CACNA1D: variants seen among roughly 807,000 people sequenced by gnomAD.
The protein encoded by CACNA1D is voltage-dependent L-type calcium channel subunit alpha-1D.
A neutral mutation model predicts 257.1 loss-of-function variants in CACNA1D; 55 were observed. The observed-to-expected ratio is 0.21, with a 90% confidence interval of 0.17 to 0.27. The LOEUF (loss-of-function observed/expected upper bound fraction) is 0.27. CACNA1D is among the 10% of genes least tolerant of loss of function. The probability of loss-of-function intolerance (pLI) is 1.00; values close to 1 mark genes in which losing one functional copy is unlikely to be tolerated. For missense variants in CACNA1D, 1,876 were observed against 2,784.0 expected, an observed-to-expected ratio of 0.67 and a Z score of 7.34; for synonymous variants, 980 against 1,014.9, an observed-to-expected ratio of 0.97 and a Z score of 0.65.
chr3:53,515,093 A>G (rs2091279364), intron 3 of CACNA1D, among the ~76,000 whole-genome samples: 1 of 152,172 alleles, frequency 6.6e-6, no homozygotes, highest in African/African-American at 2.4e-5. Context: ...AATGGTCAGG[A>G]TCTGATTCTG....
intron 35 of CACNA1D, among the ~76,000 whole-genome samples, chr3:53,776,316 C>T (rs752257755): frequency 6.6e-6 from 1 of 152,152 alleles, no homozygotes; most frequent in Non-Finnish European, 1.5e-5. Context: ...ATTTCAAAGC[C>T]AGTGCATATG....
intron 7 of CACNA1D, among the ~76,000 whole-genome samples, chr3:53,668,765 A>G (rs1160225374): frequency 6.6e-6 from 1 of 152,232 alleles, no homozygotes; most frequent in African/African-American, 2.4e-5. Context: ...CACTATAGCT[A>G]GGAAGCAGCC....
chr3:53,528,101 T>C (rs1224355185), intron 3 of CACNA1D, among the ~76,000 whole-genome samples: 2 of 152,224 alleles, frequency 1.3e-5, no homozygotes, highest in African/African-American at 4.8e-5. Context: ...CTAAGAAAGA[T>C]TGCAAACATG....
Position 53,804,869 on chromosome 3 carries a change from A to G in CACNA1D, c.5586-114A>G, listed in dbSNP as rs1020804590. 13 of 1,013,916 alleles carry G rather than the reference A, an allele frequency of 1.3e-5. No homozygotes were observed. In the Admixed American group the frequency reaches 1.6e-4, roughly 12 times the overall value. 62.8% of individuals were successfully genotyped at this position (1,013,916 alleles called of 1,614,324 possible). A position where few individuals can be genotyped will look rare whatever the true frequency, so the allele number is the denominator to read the frequency against. ...CTGAGGCCAGCCTTGTTCTCAGCCA[A>G]TCCTACTGTGTCCAAGGGAGGAGGC... On this transcript the variant is annotated intron_variant, in intron 44 of 47. Transcript: ENST00000350061.
chr3:53,753,801 A>G (rs1169391152), intron 29 of CACNA1D, 119 bp downstream of exon 29: 1 of 722,114 alleles, frequency 1.4e-6, no homozygotes, highest in Non-Finnish European at 2.6e-6. Context: ...TAACTGGGTT[A>G]CCACCTGAGA....
At chr3:53,514,611 A>C (rs2091262094) in intron 3 of CACNA1D, among the ~76,000 whole-genome samples, 1 of 152,138 alleles carries the variant, frequency 6.6e-6, no homozygotes, top group Non-Finnish European at 1.5e-5. Flanking sequence ...GGCTCCTAGA[A>C]AGCACTGTGC....
intron 39 of CACNA1D, chr3:53,782,260 GTGTGTATATATATATATATATATA>G (rs1222903439): frequency 2.2e-5 from 1 of 46,292 alleles, no homozygotes; most frequent in Non-Finnish European, 3.6e-5. Context: ...GTGTGTGTGT[GTGTGTATATATATATATATATATA>G]TATATATATG....
chr3:53,498,834 G>A (rs996711096), intron 2 of CACNA1D, among the ~76,000 whole-genome samples: 1 of 152,206 alleles, frequency 6.6e-6, no homozygotes, highest in Non-Finnish European at 1.5e-5. Flanking sequence ...GGGTTCTCAT[G>A]TGCTTTTTCA....
chr3:53,506,856 A>G (rs1400739646), intron 3 of CACNA1D, among the ~76,000 whole-genome samples: 1 of 152,194 alleles, frequency 6.6e-6, no homozygotes, highest in Admixed American at 6.5e-5. Context: ...AATGTTGTAT[A>G]TTAGCCACAT....
chr3:53,502,615 G>A (rs1448693701), intron 3 of CACNA1D, among the ~76,000 whole-genome samples: 6 of 151,920 alleles, frequency 3.9e-5, no homozygotes, highest in African/African-American at 1.5e-4. Flanking sequence ...CCACTCACCT[G>A]TCAACTAGCT....
chr3:53,595,891 C>A (rs542668167), intron 3 of CACNA1D, among the ~76,000 whole-genome samples: 1 of 152,152 alleles, frequency 6.6e-6, no homozygotes, highest in East Asian at 1.9e-4. Flanking sequence ...ATGGGCAGGG[C>A]AGGAGGGAAT....
rs1422628606 is a variant in CACNA1D, at chr3:53,666,411, C to T, written c.992C>T (p.Thr331Met). Residue 331 changes from threonine (T) to methionine (M), a missense_variant, in exon 7 of 48, where the codon ACG (threonine) becomes ATG (methionine). By Grantham distance (81) the Thr-to-Met change is moderately conservative (BLOSUM62 -1). Coordinates refer to ENST00000350061, the MANE Select transcript of CACNA1D (RefSeq NM_001128840.3). ...GGACGCCAGTGTACTGCCAATGGCA[C>T]GGAATGTAGGAGTGGCTGGGTTGGC... is the stretch of plus-strand genomic sequence containing the variant. ...GNGRQCTANGTECRSGWVGPN... is the reference protein window; with the variant it reads ...GNGRQCTANGMECRSGWVGPN... The T allele has an allele frequency of 2.5e-6, 4 of 1,614,154 alleles. No individual in the cohort carries two copies. The highest frequency in any genetic ancestry group is 1.1e-5 in the South Asian group (1 of 91,084).
At chr3:53,631,313 A>C (rs1301074642) in intron 3 of CACNA1D, among the ~76,000 whole-genome samples, 11 of 152,226 alleles carry the variant, frequency 7.2e-5, no homozygotes, top group Admixed American at 7.2e-4. Context: ...AGTGTTCACC[A>C]GGAGTAGATT....
At chr3:53,669,871 G>A (rs1295875621) in intron 7 of CACNA1D, among the ~76,000 whole-genome samples, 1 of 151,960 alleles carries the variant, frequency 6.6e-6, no homozygotes, top group African/African-American at 2.4e-5. Flanking sequence ...TAGCCTGGTT[G>A]TGTGACCTTG....
chr3:53,776,134 G>A (rs1014453564), intron 35 of CACNA1D, 89 bp downstream of exon 35: 9 of 1,210,598 alleles, frequency 7.4e-6, no homozygotes, highest in East Asian at 4.6e-5. Context: ...CTGTCCCATC[G>A]CCTGAGGACA....
Position 53,776,898 on chromosome 3 carries a change from G to C in CACNA1D, c.4529G>C (p.Arg1510Pro). The C allele has an allele frequency of 6.2e-7, 1 of 1,614,170 alleles. No individual in the cohort carries two copies. Among genetic ancestry groups the C allele is most frequent in the Non-Finnish European group, 8.5e-7 (1 of 1,180,020 alleles). The change falls in exon 37 of 48, where the codon CGA (arginine) becomes CCA (proline). Residue 1510 changes from arginine to proline, a missense_variant. Arg to Pro is a moderately radical substitution (Grantham distance 103, BLOSUM62 -2). Coordinates refer to ENST00000350061, the MANE Select transcript of CACNA1D (RefSeq NM_001128840.3). ...IKHLDVVTLL[R>P]RIQPPLGFGK... ...CACCTTGATGTGGTCACTCTGCTTC[G>C]ACGCATCCAGCCTCCCCTGGGGTTT...
At chr3:53,756,155 G>A (rs964610191) in intron 29 of CACNA1D, among the ~76,000 whole-genome samples, 1 of 152,152 alleles carries the variant, frequency 6.6e-6, no homozygotes, top group Non-Finnish European at 1.5e-5. Context: ...TAGAAAGTGA[G>A]GTAAGACAAA....
At chr3:53,764,521 G>A (rs979152951) in intron 30 of CACNA1D, among the ~76,000 whole-genome samples, 6 of 152,250 alleles carry the variant, frequency 3.9e-5, no homozygotes, top group African/African-American at 1.2e-4. Context: ...GCACCAGGAT[G>A]TGGCCAAGGT....
chr3:53,749,669 T>C (rs538254650), intron 27 of CACNA1D, among the ~76,000 whole-genome samples, 200 bp downstream of exon 27: 62 of 152,282 alleles, frequency 4.1e-4, no homozygotes, highest in African/African-American at 1.4e-3. Flanking sequence ...TATGAGACTT[T>C]GTAATTATGA....
Sources: allele counts gnomAD v4.1 joint callset (sites outside exome capture counted in the v4.1 genomes callset), GRCh38; gene constraint gnomAD v4.1.1; transcripts MANE v1.5; gene names NCBI Gene and HGNC (gene_info 2026-07-23, HGNC 2026-07-21).